FOXRED2: variants seen among roughly 807,000 people sequenced by gnomAD.
The protein encoded by FOXRED2 is FAD dependent oxidoreductase domain containing 2, also known as FAD-dependent oxidoreductase domain-containing protein 2.
A neutral mutation model predicts 52.5 loss-of-function variants in FOXRED2; 32 were observed. The ratio of observed to expected loss-of-function variants is 0.61; its 90% CI spans 0.46 to 0.82. FOXRED2 has a LOEUF of 0.82. FOXRED2 is among the 40% of genes least tolerant of loss of function. The pLI is 0.00. For synonymous variants in FOXRED2, 405 were observed against 398.1 expected (o/e 1.02, Z -0.21); for missense variants, 848 against 937.5 (o/e 0.90, Z 1.25).
intron 8 of FOXRED2, among the ~76,000 whole-genome samples, chr22:36,491,398 CTT>C (rs899765518): frequency 1.3e-5 from 2 of 151,668 alleles, no homozygotes; most frequent in Non-Finnish European, 2.9e-5. Context: ...GGAGTGGTTT[CTT>C]TTTCTTTTTT....
At chr22:36,498,228 A>G in intron 5 of FOXRED2, 72 bp from the exon 6 acceptor site, 1 of 1,534,302 alleles carries the variant, frequency 6.5e-7, no homozygotes. Context: ...AGGGATGCCC[A>G]GGCCTCATTG....
At chr22:36,491,596 G>T (rs941957474) in intron 8 of FOXRED2, among the ~76,000 whole-genome samples, 1 of 151,960 alleles carries the variant, frequency 6.6e-6, no homozygotes, top group South Asian at 2.1e-4. Context: ...GTAGGGAGAG[G>T]GTTTCACCAT....
At chr22:36,491,158 G>A (rs1192975521) in intron 8 of FOXRED2, among the ~76,000 whole-genome samples, 6 of 144,522 alleles carry the variant, frequency 4.2e-5, no homozygotes, top group Admixed American at 6.9e-5. Flanking sequence ...ACTCTGTCTC[G>A]AAAAAAAAAA....
intron 6 of FOXRED2, among the ~76,000 whole-genome samples, chr22:36,496,541 G>A (rs1163769323): frequency 6.6e-6 from 1 of 152,228 alleles, no homozygotes; most frequent in Non-Finnish European, 1.5e-5. Context: ...TGAACAGCAG[G>A]CAGAGGGCAG....
intron 7 of FOXRED2, among the ~76,000 whole-genome samples, chr22:36,495,004 G>C (rs1603493543): frequency 6.6e-6 from 1 of 152,002 alleles, no homozygotes; most frequent in Non-Finnish European, 1.5e-5. Flanking sequence ...GAGTGCAGTG[G>C]TACAATCTCG....
At chr22:36,495,865 G>A in intron 7 of FOXRED2, 102 bp downstream of exon 7, 2 of 1,339,796 alleles carry the variant, frequency 1.5e-6, no homozygotes, top group East Asian at 4.6e-5. Flanking sequence ...CATCCCACCT[G>A]TCAGCTGAGC....
At chr22:36,494,932 C>T (rs3900806) in intron 7 of FOXRED2, among the ~76,000 whole-genome samples, 65,989 of 151,338 alleles carry the variant, frequency 0.44, 17,605 homozygotes, top group Non-Finnish European at 0.6. Context: ...CGACCGCGCC[C>T]GGCCTTTTTG....
At chr22:36,491,565 G>A (rs1462336019) in intron 8 of FOXRED2, among the ~76,000 whole-genome samples, 6 of 152,050 alleles carry the variant, frequency 3.9e-5, no homozygotes, top group African/African-American at 1.4e-4. Flanking sequence ...ACCACGCTCA[G>A]CTAATTTTTG....
chr22:36,498,188 G>A lies in FOXRED2; in HGVS notation c.1217-32C>T, dbSNP rs143046777. On this transcript the variant is annotated intron_variant, in intron 5 of 8. Transcript: ENST00000397224. Reference sequence around the variant, plus strand: ...CAGCCAGAGGGAGGAACGGCACGCTGCACTTACCATTTTATCTCTGGTCAC... The same window carrying A: ...CAGCCAGAGGGAGGAACGGCACGCTACACTTACCATTTTATCTCTGGTCAC... The A allele has an allele frequency of 2.5e-6, 4 of 1,589,034 alleles. No individual in the cohort carries two copies. The South Asian group carries it at 4.5e-5, about 18-fold the overall frequency.
chr22:36,503,112 C>G lies in FOXRED2; in HGVS notation c.1049+986G>C, dbSNP rs940569718. 3.3e-5 allele frequency among the ~76,000 whole-genome samples: 5 copies of G among 152,248 alleles called. No individual in the cohort carries two copies. The South Asian group carries it at 1.0e-3, about 32-fold the overall frequency. ...CAAGTAGTCCTCCCACCTTGGCCTC[C>G]TGAGTAGCTGGGACCACAGGCATGT... On this transcript the variant is annotated intron_variant, in intron 4 of 8. Transcript: ENST00000397224.
At chr22:36,500,482 A>G (rs1569491) in intron 5 of FOXRED2, among the ~76,000 whole-genome samples, 83,300 of 152,104 alleles carry the variant, frequency 0.55, 25,849 homozygotes, top group Non-Finnish European at 0.71. Context: ...ATGTTTTTAA[A>G]AGATATTTTA....
chr22:36,506,486 A>C, intron 1 of FOXRED2, 63 bp from the exon 2 acceptor site: 1 of 1,387,154 alleles, frequency 7.2e-7, no homozygotes, highest in Non-Finnish European at 9.4e-7. Context: ...CACGAGGCCC[A>C]GAAAGAGGCG....
intron 1 of FOXRED2, 83 bp downstream of exon 1, chr22:36,506,926 C>A (rs917677234): frequency 6.5e-6 from 1 of 153,066 alleles, no homozygotes; most frequent in Non-Finnish European, 1.5e-5. Flanking sequence ...CGCCCGCCCG[C>A]GTGCGCTTCA....
At chr22:36,496,295 G>A (rs1375136835) in intron 6 of FOXRED2, 87 bp from the exon 7 acceptor site, 56 of 1,508,432 alleles carry the variant, frequency 3.7e-5, no homozygotes, top group Non-Finnish European at 5.0e-5. Context: ...GTGTGTGCGT[G>A]TGTATCTCCC....
chr22:36,495,222 G>C (rs1441027717), intron 7 of FOXRED2, among the ~76,000 whole-genome samples: 4 of 151,850 alleles, frequency 2.6e-5, no homozygotes, highest in Non-Finnish European at 4.4e-5. Flanking sequence ...GTCTCTCAAA[G>C]TGCTGGGATT....
At chr22:36,505,681 G>A (rs1048178885) in intron 2 of FOXRED2, among the ~76,000 whole-genome samples, 4 of 152,070 alleles carry the variant, frequency 2.6e-5, no homozygotes, top group African/African-American at 7.2e-5. Context: ...TGAGGCAGGA[G>A]AATCGCTTGA....
At position 36,489,799 on chromosome 22, in the gene FOXRED2, GC is replaced by G; in HGVS notation, c.*208del. The G allele has an allele frequency of 4.1e-6, 2 of 487,498 alleles. No individual in the cohort carries two copies. Among genetic ancestry groups the G allele is most frequent in the Non-Finnish European group, 3.6e-6 (1 of 280,018 alleles). 30.2% of individuals were successfully genotyped at this position (487,498 alleles called of 1,614,324 possible). On this transcript the variant is annotated 3_prime_UTR_variant, in exon 9 of 9. Transcript: ENST00000397224. ...CCCACCTGGCAGAGGATGCCCTTCT[GC>G]CCCCTGACAGGAGGGAGGAGACCAC...
At chr22:36,494,069 G>A (rs764156844) in intron 7 of FOXRED2, among the ~76,000 whole-genome samples, 3 of 152,234 alleles carry the variant, frequency 2.0e-5, no homozygotes, top group Non-Finnish European at 2.9e-5. Flanking sequence ...TGAGGCTGGC[G>A]TTTCCCTAAG....
At chr22:36,493,224 C>T (rs535631797) in intron 8 of FOXRED2, among the ~76,000 whole-genome samples, 4 of 152,260 alleles carry the variant, frequency 2.6e-5, no homozygotes, top group African/African-American at 7.2e-5. Context: ...AGGCGGATCA[C>T]GAGGTCAGTT....
Sources: allele counts gnomAD v4.1 joint callset (sites outside exome capture counted in the v4.1 genomes callset), GRCh38; gene constraint gnomAD v4.1.1; transcripts MANE v1.5; gene names NCBI Gene and HGNC (gene_info 2026-07-23, HGNC 2026-07-21).